Variants in AOX1 observed in about 807,000 individuals in gnomAD.
The protein encoded by AOX1 is aldehyde oxidase.
In AOX1, 153 loss-of-function variants were observed where a neutral mutation model predicts 169.5. That is an observed-to-expected ratio of 0.90 (90% confidence interval 0.79 to 1.03). The LOEUF is 1.03. Among genes scored for constraint, AOX1 ranks in the 50% least tolerant of loss-of-function variants. AOX1 has a pLI of 0.00. For synonymous variants in AOX1, 562 were observed against 581.9 expected, an observed-to-expected ratio of 0.97 and a Z score of 0.49; for missense variants, 1,656 against 1,663.9, an observed-to-expected ratio of 1.00 and a Z score of 0.08.
chr2:200,586,030 C>T lies in AOX1; in HGVS notation c.-79C>T. The T allele has an allele frequency of 6.6e-7, 1 of 1,512,788 alleles. No individual in the cohort carries two copies. The highest frequency in any genetic ancestry group is 1.2e-5 in the South Asian group (1 of 83,118). The allele number at this position is 1,512,788 out of a possible 1,614,324, so 93.7% of individuals were successfully genotyped here. A position where few individuals can be genotyped will look rare whatever the true frequency, so the allele number is the denominator to read the frequency against. ...CCCCGCCCCACTCGGCGGGTCGGTGCCGCCGGGTCCCAGGTGCCCGCTACT... is the reference window on the plus strand; with the variant it reads ...CCCCGCCCCACTCGGCGGGTCGGTGTCGCCGGGTCCCAGGTGCCCGCTACT... On this transcript the variant is annotated 5_prime_UTR_variant, in exon 1 of 35. Coordinates refer to ENST00000374700, the MANE Select transcript of AOX1 (RefSeq NM_001159.4).
At chr2:200,598,197 A>G (rs1161537392) in intron 4 of AOX1, among the ~76,000 whole-genome samples, 2 of 152,070 alleles carry the variant, frequency 1.3e-5, no homozygotes, top group Non-Finnish European at 2.9e-5. Flanking sequence ...AAGAGAAAGA[A>G]GAGCCATGTG....
intron 5 of AOX1, among the ~76,000 whole-genome samples, chr2:200,600,367 T>C (rs1285539418): frequency 2.6e-5 from 4 of 152,180 alleles, no homozygotes; most frequent in African/African-American, 9.7e-5. Flanking sequence ...GGTTACAGCA[T>C]AAAGTCAGAG....
At chr2:200,675,122 G>A (rs1238940059), downstream of AOX1, among the ~76,000 whole-genome samples, 2 of 152,172 alleles carry the variant, frequency 1.3e-5, no homozygotes, top group Non-Finnish European at 2.9e-5. Context: ...CGCAGGCACA[G>A]CTGGAATGCC....
chr2:200,638,122 G>C (rs935307934), intron 22 of AOX1, 93 bp from the exon 23 acceptor site: 2 of 1,086,108 alleles, frequency 1.8e-6, no homozygotes, highest in Non-Finnish European at 1.4e-6. Flanking sequence ...AGGCGTGTAG[G>C]CTCCACTCAG....
chr2:200,652,305 T>C (rs2035594505), intron 26 of AOX1, among the ~76,000 whole-genome samples: 1 of 152,168 alleles, frequency 6.6e-6, no homozygotes, highest in Admixed American at 6.5e-5. Flanking sequence ...CAAATGATGA[T>C]CTTATTGCAG....
intron 20 of AOX1, among the ~76,000 whole-genome samples, chr2:200,633,309 T>C (rs574631446): frequency 6.6e-6 from 1 of 152,206 alleles, no homozygotes; most frequent in Non-Finnish European, 1.5e-5. Flanking sequence ...ATTTTTCAAA[T>C]AATGGCTTGA....
intron 27 of AOX1, among the ~76,000 whole-genome samples, chr2:200,658,438 T>C (rs1255824979): frequency 6.6e-6 from 1 of 152,236 alleles, no homozygotes; most frequent in East Asian, 1.9e-4. Flanking sequence ...CCAGAGACTT[T>C]GATATTCTAA....
At chr2:200,660,468 A>G (rs910309275) in intron 29 of AOX1, among the ~76,000 whole-genome samples, 1 of 152,248 alleles carries the variant, frequency 6.6e-6, no homozygotes, top group Non-Finnish European at 1.5e-5. Flanking sequence ...TAAAAATCAT[A>G]TAAGCACTCG....
At chr2:200,659,125 A>G in intron 27 of AOX1, 40 bp from the exon 28 acceptor site, 1 of 1,605,560 alleles carries the variant, frequency 6.2e-7, no homozygotes, top group Non-Finnish European at 8.5e-7. Flanking sequence ...GTCTGTGACT[A>G]ATCAAAGTGT....
At chr2:200,612,894 G>GGAACACTTTTC in intron 14 of AOX1, 101 bp downstream of exon 14, 1 of 876,722 alleles carries the variant, frequency 1.1e-6, no homozygotes, top group Non-Finnish European at 1.7e-6. Flanking sequence ...GAAGAAAAGT[G>GGAACACTTTTC]TTCCATACCT....
At chr2:200,656,975 C>CTT in intron 27 of AOX1, 38 bp downstream of exon 27, 1 of 1,358,634 alleles carries the variant, frequency 7.4e-7, no homozygotes, top group Non-Finnish European at 1.0e-6. Flanking sequence ...TGGGTGTGTG[C>CTT]TTATAGATCT....
Position 200,603,311 on chromosome 2 carries a change from G to A in AOX1, c.543G>A (p.Leu181=). Residue 181 remains leucine, a synonymous_variant, in exon 7 of 35, where the codon TTG becomes TTA. Transcript: ENST00000374700. ...GTAAAGAAAATGGGGTTTGCTGTTT[G>A]GATCAAGGAATCAATGGATTGCCAG... The part of the protein sequence containing the change: ...CQSKENGVCC[L]DQGINGLPEF... 1 of 1,613,948 alleles carries A rather than the reference G, an allele frequency of 6.2e-7. No homozygotes were observed. Among genetic ancestry groups the A allele is most frequent in the East Asian group, 2.2e-5 (1 of 44,850 alleles).
chr2:200,662,419 AGAAT>A (rs2035845225), intron 30 of AOX1, among the ~76,000 whole-genome samples: 2 of 152,218 alleles, frequency 1.3e-5, no homozygotes, highest in Non-Finnish European at 2.9e-5. Flanking sequence ...GTAGAGACAA[AGAAT>A]GGGAGCCATG....
At position 200,641,426 on chromosome 2, in the gene AOX1, A is replaced by G. The variant is rs1047005103; in HGVS notation, c.2655+242A>G. ...TAGAGCTCTTTTCCTAGATGCACACATGAGACCAAGCTTTCTCAGTTTTGG... is the reference window on the plus strand; with the variant it reads ...TAGAGCTCTTTTCCTAGATGCACACGTGAGACCAAGCTTTCTCAGTTTTGG... On this transcript the variant is annotated intron_variant, in intron 24 of 34. Transcript: ENST00000374700. Among the ~76,000 whole-genome samples, 8 of 152,152 alleles carry G rather than the reference A, an allele frequency of 5.3e-5. No homozygotes were observed. In the South Asian group the frequency reaches 6.2e-4, roughly 12 times the overall value.
At position 200,602,152 on chromosome 2, in the gene AOX1, T is replaced by G. The variant is rs80252593; in HGVS notation, c.437-132T>G. On this transcript the variant is annotated intron_variant, in intron 5 of 34. Coordinates refer to ENST00000374700, the MANE Select transcript of AOX1 (RefSeq NM_001159.4). The stretch of plus-strand genomic sequence containing the variant: ...AGTTGCTGTTGAAAAGATCTGACTT[T>G]GTAGATTAGGTGGACTAAAATGTCA... The G allele has an allele frequency of 9.9e-3, 6,307 of 639,522 alleles. 63 individuals are homozygous for G. The highest frequency in any genetic ancestry group is 0.031 in the South Asian group (1,410 of 44,956). The allele number at this position is 639,522 out of a possible 1,614,324, so 39.6% of individuals were successfully genotyped here.
At chr2:200,671,847 C>T (rs1480340654), downstream of AOX1, among the ~76,000 whole-genome samples, 1 of 151,974 alleles carries the variant, frequency 6.6e-6, no homozygotes, top group African/African-American at 2.4e-5. Context: ...ATATATTCAC[C>T]CAAAAATGTA....
At chr2:200,650,265 A>G (rs1028025605) in intron 25 of AOX1, among the ~76,000 whole-genome samples, 1 of 152,166 alleles carries the variant, frequency 6.6e-6, no homozygotes, top group Non-Finnish European at 1.5e-5. Context: ...CCCAAATGAG[A>G]TGGCTTACTA....
chr2:200,599,173 AT>A (rs71405334), intron 4 of AOX1, among the ~76,000 whole-genome samples: 2 of 152,030 alleles, frequency 1.3e-5, no homozygotes, highest in South Asian at 2.1e-4. Context: ...TTTTTTATTT[AT>A]TTTTTTTCCA....
intron 4 of AOX1, 37 bp from the exon 5 acceptor site, chr2:200,599,583 C>T: frequency 6.4e-7 from 1 of 1,567,592 alleles, no homozygotes; most frequent in South Asian, 1.2e-5. Flanking sequence ...GGGATGGGGC[C>T]CCAAATTCTG....
Sources: allele counts gnomAD v4.1 joint callset (sites outside exome capture counted in the v4.1 genomes callset), GRCh38; gene constraint gnomAD v4.1.1; transcripts MANE v1.5; gene names NCBI Gene and HGNC (gene_info 2026-07-23, HGNC 2026-07-21).